NELL2: variants seen among roughly 807,000 people sequenced by gnomAD.
The protein encoded by NELL2 is neural EGFL like 2.
Under a neutral mutation model 109.6 loss-of-function variants are expected in NELL2, and 41 were observed. That is an observed-to-expected ratio of 0.37 (90% CI 0.29 to 0.49). NELL2 has a LOEUF of 0.49. NELL2 is among the 20% of genes least tolerant of loss of function. The pLI is 0.98. For synonymous variants in NELL2, 355 were observed against 344.7 expected, an observed-to-expected ratio of 1.03 and a Z score of -0.33; for missense variants, 900 against 1,008.3, an observed-to-expected ratio of 0.89 and a Z score of 1.45.
upstream of NELL2, among the ~76,000 whole-genome samples, chr12:44,877,675 G>T (rs532446429): frequency 6.6e-6 from 1 of 152,170 alleles, no homozygotes; most frequent in African/African-American, 2.4e-5. Context: ...TTATACTATA[G>T]GGAAAGAGGT....
At chr12:44,528,899 C>T (rs922641198) in intron 16 of NELL2, among the ~76,000 whole-genome samples, 1 of 152,096 alleles carries the variant, frequency 6.6e-6, no homozygotes, top group African/African-American at 2.4e-5. Flanking sequence ...CATAAAGTGA[C>T]AGTACATGCA....
chr12:44,541,592 G>C (rs1420309698), intron 15 of NELL2, among the ~76,000 whole-genome samples: 1 of 152,126 alleles, frequency 6.6e-6, no homozygotes, highest in Non-Finnish European at 1.5e-5. Flanking sequence ...TCTGATTAAA[G>C]AGAAATTTCA....
intron 13 of NELL2, among the ~76,000 whole-genome samples, chr12:44,618,888 G>T (rs189136079): frequency 6.6e-6 from 1 of 152,102 alleles, no homozygotes; most frequent in Non-Finnish European, 1.5e-5. Context: ...TTCATAAAAG[G>T]CCTGTTCGGG....
At chr12:44,554,518 C>T (rs950371660) in intron 15 of NELL2, among the ~76,000 whole-genome samples, 4 of 152,004 alleles carry the variant, frequency 2.6e-5, no homozygotes, top group African/African-American at 7.2e-5. Context: ...TGGATATGTT[C>T]GCTAGTTTGA....
At chr12:44,609,307 C>T (rs1035484738) in intron 14 of NELL2, among the ~76,000 whole-genome samples, 6 of 151,856 alleles carry the variant, frequency 4.0e-5, no homozygotes, top group African/African-American at 7.3e-5. Context: ...ATTTGATAAT[C>T]GGGAAGGCTA....
At chr12:44,654,765 G>T (rs1186826105) in intron 13 of NELL2, among the ~76,000 whole-genome samples, 1 of 152,104 alleles carries the variant, frequency 6.6e-6, no homozygotes, top group Non-Finnish European at 1.5e-5. Flanking sequence ...GAGGCACCGC[G>T]GGCTGGGGAG....
intron 13 of NELL2, among the ~76,000 whole-genome samples, chr12:44,662,798 T>G (rs1947791864): frequency 6.6e-6 from 1 of 152,154 alleles, no homozygotes; most frequent in South Asian, 2.1e-4. Flanking sequence ...TAAGCAACTT[T>G]GAGAGTCTGC....
At chr12:44,890,634 C>G (rs999300135) in intron 1 of NELL2, among the ~76,000 whole-genome samples, 2 of 152,074 alleles carry the variant, frequency 1.3e-5, no homozygotes, top group Non-Finnish European at 2.9e-5. Flanking sequence ...CAGGTCACCT[C>G]CAGTTTAAAA....
chr12:44,736,554 T>C (rs2136485847), intron 9 of NELL2, among the ~76,000 whole-genome samples: 1 of 151,662 alleles, frequency 6.6e-6, no homozygotes, highest in East Asian at 1.9e-4. Context: ...ACATCAGAAT[T>C]GTACATATGT....
At chr12:44,856,005 C>T (rs757592185) in intron 2 of NELL2, among the ~76,000 whole-genome samples, 2 of 152,120 alleles carry the variant, frequency 1.3e-5, no homozygotes, top group East Asian at 1.9e-4. Context: ...CATAAAGTCA[C>T]GAAAGTAATC....
chr12:44,560,075 C>T (rs12302717), intron 15 of NELL2, among the ~76,000 whole-genome samples: 6,542 of 152,196 alleles, frequency 0.043, 480 homozygotes, highest in African/African-American at 0.15. Flanking sequence ...TCCAGAGTGA[C>T]TACTGGGTAA....
rs5797903 is a variant in NELL2 at position 44,516,901 on chromosome 12, C to CTTT, written c.2400+3101_2400+3103dup. ...CTGTTTTTCTAGTATGTAGTTGTGACTTTTTTTTTTTTTTTGCTAATTTTA... is the reference window on the plus strand; with the variant it reads ...CTGTTTTTCTAGTATGTAGTTGTGACTTTTTTTTTTTTTTTTTTGCTAATTTTA... On this transcript the variant is annotated intron_variant, in intron 19 of 19. Coordinates refer to ENST00000429094, the MANE Select transcript of NELL2 (RefSeq NM_001145108.2). Among the ~76,000 whole-genome samples the CTTT allele has an allele frequency of 4.4e-4, 59 of 135,124 alleles. 1 individual carries two copies. The highest frequency in any genetic ancestry group is 1.8e-3 in the Admixed American group (24 of 13,442). The allele number at this position is 135,124 out of a possible 152,430, so 88.6% of individuals were successfully genotyped here. A position where few individuals can be genotyped will look rare whatever the true frequency, so the allele number is the denominator to read the frequency against.
chr12:44,635,086 A>G (rs1946586461), intron 13 of NELL2, among the ~76,000 whole-genome samples: 1 of 152,010 alleles, frequency 6.6e-6, no homozygotes, highest in Non-Finnish European at 1.5e-5. Context: ...TCTTCTTTTG[A>G]GAAGTGTCTA....
chr12:44,633,968 C>T (rs150490959), intron 13 of NELL2, among the ~76,000 whole-genome samples: 110 of 152,208 alleles, frequency 7.2e-4, no homozygotes, highest in African/African-American at 2.5e-3. Flanking sequence ...AGGTTGCCAG[C>T]TGAAAAGCTC....
chr12:44,573,765 C>T (rs1943960584), intron 15 of NELL2, among the ~76,000 whole-genome samples: 1 of 152,142 alleles, frequency 6.6e-6, no homozygotes, highest in South Asian at 2.1e-4. Context: ...ACTGAGGTCC[C>T]TGAAATAGAG....
rs1945853181 is a variant in NELL2 at position 44,919,436 on chromosome 12, A to G, written c.-32+2354T>C. On this transcript the variant is annotated intron_variant, in intron 1 of 9. Transcript: ENST00000552993. Reference sequence around the variant, plus strand: ...GGGTTGCACTGTGTTCCCCTAAAAGATGTTAAAGTCCTAACCCCCAGTACC... The same window carrying G: ...GGGTTGCACTGTGTTCCCCTAAAAGGTGTTAAAGTCCTAACCCCCAGTACC... Among the ~76,000 whole-genome samples the G allele has an allele frequency of 2.6e-5, 4 of 152,114 alleles. 1 individual carries two copies. In the South Asian group the frequency reaches 8.3e-4, roughly 31 times the overall value.
At chr12:44,541,857 A>G (rs1942588911) in intron 15 of NELL2, among the ~76,000 whole-genome samples, 1 of 152,202 alleles carries the variant, frequency 6.6e-6, no homozygotes, top group Admixed American at 6.5e-5. Context: ...TGCTATCCCC[A>G]TTTTAAATGG....
chr12:44,696,069 A>G (rs952136460), intron 12 of NELL2, among the ~76,000 whole-genome samples: 4 of 152,212 alleles, frequency 2.6e-5, no homozygotes, highest in Admixed American at 6.5e-5. Flanking sequence ...TTTTGTACAT[A>G]GGCTAGAATT....
chr12:44,722,108 G>C (rs1938807408), intron 9 of NELL2, among the ~76,000 whole-genome samples: 1 of 152,006 alleles, frequency 6.6e-6, no homozygotes, highest in Non-Finnish European at 1.5e-5. Flanking sequence ...GCAATAAAAT[G>C]ATAAACAGGA....
Sources: gnomAD v4.1 joint callset for allele counts (sites outside exome capture counted in the v4.1 genomes callset) on GRCh38, gnomAD v4.1.1 for gene constraint, MANE v1.5 for transcripts, NCBI Gene and HGNC (gene_info 2026-07-23, HGNC 2026-07-21) for gene names.